RBBP8: variants seen among roughly 807,000 people sequenced by gnomAD.
RBBP8 encodes RB binding protein 8, endonuclease.
Under a neutral mutation model 108.3 loss-of-function variants are expected in RBBP8, and 88 were observed. The ratio of observed to expected loss-of-function variants is 0.81; its 90% CI spans 0.68 to 0.97. The LOEUF (loss-of-function observed/expected upper bound fraction) is 0.97, where lower values mean the gene tolerates loss of function less well. Ranked by LOEUF, RBBP8 falls within the 50% of genes least tolerant of loss-of-function variation. The probability of loss-of-function intolerance (pLI) is 0.00; values close to 1 mark genes in which losing one functional copy is unlikely to be tolerated. For missense variants in RBBP8, 1,023 were observed against 1,049.0 expected (o/e 0.98, Z 0.34); for synonymous variants, 332 against 348.2 (o/e 0.95, Z 0.52).
rs780106559 is a variant in RBBP8, at chr18:22,993,207, C to G, written c.1380C>G (p.Cys460Trp). Residue 460 changes from cysteine (C) to tryptophan (W), a missense_variant, in exon 11 of 19, where the codon TGC becomes TGG. Transcript: ENST00000327155. ...TEEESEHEVS[C>W]PQASFDKENA... ...AAGAAAGTGAACATGAAGTAAGCTG[C>G]CCCCAAGCTTCTTTTGATAAAGAAA... 2 of 1,614,164 alleles carry G rather than the reference C, an allele frequency of 1.2e-6. No individual in the cohort carries two copies. The highest frequency in any genetic ancestry group is 4.5e-5 in the East Asian group (2 of 44,888).
upstream of RBBP8, among the ~76,000 whole-genome samples, chr18:22,928,876 G>A (rs1909892847): frequency 6.6e-6 from 1 of 152,026 alleles, no homozygotes; most frequent in Admixed American, 6.6e-5. Context: ...CACCATGTTG[G>A]CCAAGCTGGT....
At chr18:23,014,570 C>G (rs1485373312) in intron 16 of RBBP8, among the ~76,000 whole-genome samples, 1 of 152,164 alleles carries the variant, frequency 6.6e-6, no homozygotes, top group Non-Finnish European at 1.5e-5. Context: ...GGAGTTCAGG[C>G]TGCAGTAAGC....
chr18:22,920,301 A>ATGT (rs1909535739), intron 3 of RBBP8, among the ~76,000 whole-genome samples: 1 of 152,228 alleles, frequency 6.6e-6, no homozygotes, highest in African/African-American at 2.4e-5. Flanking sequence ...CTCAATAGAT[A>ATGT]AATAAATGGT....
At chr18:23,008,254 T>TTTAAG (rs71161354) in intron 16 of RBBP8, among the ~76,000 whole-genome samples, 103,396 of 151,444 alleles carry the variant, frequency 0.68, 36,027 homozygotes, top group Middle Eastern at 0.84. Flanking sequence ...TATTTTTTTC[T>TTTAAG]TTAAGATGTT....
chr18:22,968,204 C>T (rs1913785235), intron 4 of RBBP8, among the ~76,000 whole-genome samples: 1 of 151,918 alleles, frequency 6.6e-6, no homozygotes, highest in South Asian at 2.1e-4. Flanking sequence ...TCCCGAGTAG[C>T]TGGGACTACA....
intron 2 of RBBP8, among the ~76,000 whole-genome samples, chr18:22,939,440 C>T (rs1327911014): frequency 6.6e-6 from 1 of 151,914 alleles, no homozygotes; most frequent in Non-Finnish European, 1.5e-5. Flanking sequence ...CCAGGAGAAT[C>T]GTTTGAACCC....
chr18:22,964,278 C>T (rs1481734033), intron 4 of RBBP8, among the ~76,000 whole-genome samples: 3 of 151,416 alleles, frequency 2.0e-5, no homozygotes, highest in Admixed American at 6.6e-5. Context: ...TTCTTCTGAA[C>T]GCTTATGGGC....
chr18:22,961,494 T>C (rs1913093925), intron 4 of RBBP8, among the ~76,000 whole-genome samples: 1 of 152,140 alleles, frequency 6.6e-6, no homozygotes, highest in African/African-American at 2.4e-5. Flanking sequence ...ACAAAATGGC[T>C]CAATATAAGG....
intron 14 of RBBP8, among the ~76,000 whole-genome samples, chr18:23,000,706 A>G (rs2045932575): frequency 1.3e-5 from 2 of 149,204 alleles, no homozygotes; most frequent in South Asian, 4.3e-4. Context: ...GCCTCACTGC[A>G]CTCCAGCCCG....
intron 6 of RBBP8, among the ~76,000 whole-genome samples, chr18:22,977,144 T>G (rs973497761): frequency 1.3e-5 from 2 of 152,094 alleles, no homozygotes; most frequent in Non-Finnish European, 2.9e-5. Flanking sequence ...GTGATTCTCA[T>G]GAACCAACTT....
intron 3 of RBBP8, 50 bp from the exon 4 acceptor site, chr18:22,949,568 C>G (rs1911850736): frequency 7.8e-7 from 1 of 1,287,870 alleles, no homozygotes; most frequent in Admixed American, 1.7e-5. Context: ...TAGAATTATC[C>G]TGTTAAGAGT....
intron 4 of RBBP8, among the ~76,000 whole-genome samples, chr18:22,967,646 T>C (rs976588703): frequency 8.6e-6 from 1 of 116,360 alleles, no homozygotes; most frequent in African/African-American, 4.6e-5. Flanking sequence ...CTATTTCGTA[T>C]TTTTTTTTTT....
At chr18:22,929,541 T>A (rs1289438563), upstream of RBBP8, 1 of 125,382 alleles carries the variant, frequency 8.0e-6, no homozygotes, top group African/African-American at 3.3e-5. Context: ...TGTGTGTGTG[T>A]GTGTGTGTGT....
intron 4 of RBBP8, among the ~76,000 whole-genome samples, chr18:22,960,548 C>G (rs1170468769): frequency 6.6e-6 from 1 of 151,984 alleles, no homozygotes; most frequent in Non-Finnish European, 1.5e-5. Context: ...CCTGTCTCAA[C>G]AAAAAAGACA....
chr18:22,975,751 C>G (rs972549984), intron 6 of RBBP8, among the ~76,000 whole-genome samples: 1 of 151,988 alleles, frequency 6.6e-6, no homozygotes, highest in African/African-American at 2.4e-5. Context: ...TTTATTATCC[C>G]CACTTTACAA....
intron 3 of RBBP8, among the ~76,000 whole-genome samples, chr18:22,928,083 C>T (rs986795651): frequency 4.6e-5 from 7 of 151,146 alleles, no homozygotes; most frequent in Non-Finnish European, 7.4e-5. Context: ...TGCCTGTAAT[C>T]CCAGCTACTC....
chr18:23,022,669 A>AAAAAATAC (rs1555650207), intron 18 of RBBP8, among the ~76,000 whole-genome samples: 2 of 141,044 alleles, frequency 1.4e-5, no homozygotes, highest in African/African-American at 5.9e-5. Context: ...AAAATAAAAT[A>AAAAAATAC]AATAACTGTA....
At chr18:23,007,712 AAAAG>A (rs1377580934) in intron 16 of RBBP8, among the ~76,000 whole-genome samples, 2 of 151,404 alleles carry the variant, frequency 1.3e-5, no homozygotes, top group African/African-American at 4.8e-5. Context: ...AAAAAAAAAA[AAAAG>A]ACTTTAGGTA....
intron 15 of RBBP8, 44 bp downstream of exon 15, chr18:23,001,773 T>G (rs376910037): frequency 4.2e-5 from 67 of 1,605,922 alleles, no homozygotes; most frequent in Non-Finnish European, 5.7e-5. Flanking sequence ...AGTTGCAGAA[T>G]TCAGTAAGTT....
Sources: allele counts gnomAD v4.1 joint callset (sites outside exome capture counted in the v4.1 genomes callset), GRCh38; gene constraint gnomAD v4.1.1; transcripts MANE v1.5; gene names NCBI Gene and HGNC (gene_info 2026-07-23, HGNC 2026-07-21).